Variants in SMPD3 observed in about 807,000 individuals in gnomAD.
SMPD3 encodes sphingomyelin phosphodiesterase 3.
Under a neutral mutation model 55.7 loss-of-function variants are expected in SMPD3, and 21 were observed. The observed-to-expected ratio is 0.38, with a 90% CI of 0.27 to 0.54. The LOEUF (loss-of-function observed/expected upper bound fraction) is 0.54, where lower values mean the gene tolerates loss of function less well. Ranked by LOEUF, SMPD3 falls within the 20% of genes least tolerant of loss-of-function variation. The pLI is 0.80. For synonymous variants in SMPD3, 457 were observed against 404.3 expected, an observed-to-expected ratio of 1.13 and a Z score of -1.56; for missense variants, 842 against 899.6, an observed-to-expected ratio of 0.94 and a Z score of 0.82.
At chr16:68,362,221 G>C (rs1428765535) in intron 7 of SMPD3, among the ~76,000 whole-genome samples, 1 of 152,174 alleles carries the variant, frequency 6.6e-6, no homozygotes, top group East Asian at 1.9e-4. Flanking sequence ...TCCCTACGTG[G>C]CTGTGTGACT....
chr16:68,418,144 A>G (rs1445599904), intron 1 of SMPD3, among the ~76,000 whole-genome samples: 1 of 152,140 alleles, frequency 6.6e-6, no homozygotes, highest in East Asian at 1.9e-4. Flanking sequence ...GCCAAGGTGC[A>G]TTTCTGGCTT....
intron 1 of SMPD3, among the ~76,000 whole-genome samples, chr16:68,393,221 A>G (rs1046234035): frequency 6.6e-6 from 1 of 152,174 alleles, no homozygotes; most frequent in Non-Finnish European, 1.5e-5. Context: ...CATGGCCAAC[A>G]TGGTAAAACC....
Position 68,361,254 on chromosome 16 carries a change from C to T in SMPD3, c.1920G>A (p.Leu640=), listed in dbSNP as rs2151968350. The change falls in exon 9 of 9, where the codon CTG becomes CTA. Residue 640 remains leucine, a synonymous_variant. Coordinates refer to ENST00000219334, the MANE Select transcript of SMPD3 (RefSeq NM_018667.4). ...ITQLSGLTDH[L]PVAMRLMVSS... ...ACACCATCAGTCGCATGGCTACTGG[C>T]AGGTGGTCCGTCAGGCCGGACAGCT... 4 of 1,613,344 alleles carry T rather than the reference C, an allele frequency of 2.5e-6. No homozygotes were observed. The East Asian group carries it at 8.9e-5, about 36-fold the overall frequency.
chr16:68,372,057 G>T lies in SMPD3; in HGVS notation c.125C>A (p.Thr42Asn), dbSNP rs1567786130. The change falls in exon 3 of 9, where the codon ACC becomes AAC. Residue 42 changes from threonine (T) to asparagine (N), a missense_variant. Thr to Asn is a moderately conservative substitution (Grantham distance 65). This residue lies in a region of SMPD3 where 193 missense variants were observed against 256.0 expected (regional missense o/e 0.75). Transcript: ENST00000219334. Reference sequence around the variant, plus strand: ...GTCTGCCCGCTGGCGCTTCTCGTAGGTGGTGGGTATGAAGGAGGCAGCGAG... The same window carrying T: ...GTCTGCCCGCTGGCGCTTCTCGTAGTTGGTGGGTATGAAGGAGGCAGCGAG... ...DRLAASFIPT[T>N]YEKRQRADDP... 3.1e-6 allele frequency: 5 copies of T among 1,608,804 alleles called. No homozygotes were observed. Among genetic ancestry groups the T allele is most frequent in the African/African-American group, 1.3e-5 (1 of 74,922 alleles).
At chr16:68,386,956 G>C (rs559584404) in intron 1 of SMPD3, among the ~76,000 whole-genome samples, 1 of 152,184 alleles carries the variant, frequency 6.6e-6, no homozygotes, top group Non-Finnish European at 1.5e-5. Context: ...CCTCCACGTC[G>C]ACACTGGGAC....
intron 1 of SMPD3, among the ~76,000 whole-genome samples, chr16:68,398,663 G>T (rs1476553940): frequency 6.6e-6 from 1 of 152,210 alleles, no homozygotes; most frequent in African/African-American, 2.4e-5. Flanking sequence ...CCTTTCCTCA[G>T]TTCAAAGTTG....
In SMPD3 at chr16:68,359,586, G is replaced by A. The variant is rs1338882361; in HGVS notation, c.*1620C>T. On this transcript the variant is annotated 3_prime_UTR_variant, in exon 9 of 9. Coordinates refer to ENST00000219334, the MANE Select transcript of SMPD3 (RefSeq NM_018667.4). ...CCTCTTGCAGCTCAATGGGTGACAA[G>A]GCACAGCATCAGGGCACCAGCACCA... 6.5e-6 allele frequency: 1 copy of A among 152,796 alleles called. No homozygotes were observed. The highest frequency in any genetic ancestry group is 1.5e-5 in the Non-Finnish European group (1 of 68,104). 9.5% of individuals were successfully genotyped at this position (152,796 alleles called of 1,614,324 possible).
rs907687973 is a variant in SMPD3 at position 68,364,875 on chromosome 16, G to C, written c.1431C>G (p.Asp477Glu). 1.2e-6 allele frequency: 2 copies of C among 1,613,980 alleles called. No homozygotes were observed. The highest frequency in any genetic ancestry group is 1.7e-6 in the Non-Finnish European group (2 of 1,179,998). ...EDSAIRCGQL[D>E]LLQDWLADFR... Reference sequence around the variant, plus strand: ...AATCAGCCAGCCAGTCCTGAAGCAGGTCCAGCTGCCCACACCGGATGGCGC... The same window carrying C: ...AATCAGCCAGCCAGTCCTGAAGCAGCTCCAGCTGCCCACACCGGATGGCGC... Residue 477 changes from aspartate (D) to glutamate (E), a missense_variant, in exon 5 of 9, where the codon GAC becomes GAG. Asp to Glu is a conservative substitution (Grantham distance 45). This residue lies in a region of SMPD3 where 649 missense variants were observed against 643.6 expected (regional missense o/e 1.01). Coordinates refer to ENST00000219334, the MANE Select transcript of SMPD3 (RefSeq NM_018667.4).
chr16:68,431,716 G>A (rs2090481036), intron 1 of SMPD3, among the ~76,000 whole-genome samples: 1 of 152,226 alleles, frequency 6.6e-6, no homozygotes, highest in Admixed American at 6.5e-5. Flanking sequence ...GAGGTCAGGA[G>A]TTCAAGACCA....
chr16:68,365,145 A>C (rs1281689171), intron 3 of SMPD3, 53 bp from the exon 4 acceptor site: 8 of 1,586,944 alleles, frequency 5.0e-6, no homozygotes, highest in Non-Finnish European at 6.9e-6. Context: ...TGGCCCTGAG[A>C]GCACAGGACA....
chr16:68,422,078 G>A (rs1363256161), intron 1 of SMPD3, among the ~76,000 whole-genome samples: 4 of 152,188 alleles, frequency 2.6e-5, no homozygotes, highest in African/African-American at 4.8e-5. Flanking sequence ...AAGGAGCAAG[G>A]AGCCAAGGAA....
At chr16:68,415,857 T>G (rs2152021160) in intron 1 of SMPD3, among the ~76,000 whole-genome samples, 1 of 152,106 alleles carries the variant, frequency 6.6e-6, no homozygotes, top group Admixed American at 6.5e-5. Context: ...CCTTAGGTAT[T>G]TAATGTGACA....
chr16:68,426,953 C>G (rs1336392219), intron 1 of SMPD3, among the ~76,000 whole-genome samples: 1 of 151,042 alleles, frequency 6.6e-6, no homozygotes, highest in East Asian at 1.9e-4. Context: ...GTCCACTCAG[C>G]AGCCTATTTT....
At chr16:68,425,972 T>C (rs963255012) in intron 1 of SMPD3, among the ~76,000 whole-genome samples, 3 of 152,174 alleles carry the variant, frequency 2.0e-5, no homozygotes, top group Admixed American at 6.5e-5. Context: ...AAGGGAGCAC[T>C]GAGAGTGGAT....
intron 5 of SMPD3, chr16:68,364,451 G>A (rs938039147): frequency 2.9e-6 from 1 of 346,946 alleles, no homozygotes; most frequent in Non-Finnish European, 5.2e-6. Flanking sequence ...CAAGAGCGCG[G>A]CGCCCCGTTG....
chr16:68,376,691 C>T (rs2089824049), intron 2 of SMPD3, among the ~76,000 whole-genome samples: 1 of 152,238 alleles, frequency 6.6e-6, no homozygotes, highest in South Asian at 2.1e-4. Flanking sequence ...GTCATAGGTC[C>T]TGGCAGGCCC....
intron 1 of SMPD3, among the ~76,000 whole-genome samples, chr16:68,423,252 G>A (rs907923965): frequency 1.3e-5 from 2 of 152,198 alleles, no homozygotes; most frequent in African/African-American, 2.4e-5. Flanking sequence ...AGCTGAAGAT[G>A]CTTCCTGGGA....
rs1330250880 is a variant in SMPD3, at chr16:68,363,878, G to C, written c.1556-12C>G. 6.4e-7 allele frequency: 1 copy of C among 1,553,178 alleles called. No homozygotes were observed. The highest frequency in any genetic ancestry group is 8.7e-7 in the Non-Finnish European group (1 of 1,148,532). ...CTCCAGCTTGTCGTCTGTGCGGGGAGGGAGGAAACGCTGAGGCACCAGGGG... is the reference window on the plus strand; with the variant it reads ...CTCCAGCTTGTCGTCTGTGCGGGGACGGAGGAAACGCTGAGGCACCAGGGG... On this transcript the variant is annotated splice_polypyrimidine_tract_variant and intron_variant, in intron 5 of 8. Coordinates refer to ENST00000219334, the MANE Select transcript of SMPD3 (RefSeq NM_018667.4).
chr16:68,375,623 G>C (rs544968180), intron 2 of SMPD3, among the ~76,000 whole-genome samples: 131 of 149,686 alleles, frequency 8.8e-4, no homozygotes, highest in Non-Finnish European at 1.7e-3. Flanking sequence ...GTGTAGAGGA[G>C]AGAGACTCTC....
Sources: gnomAD v4.1 joint callset for allele counts (sites outside exome capture counted in the v4.1 genomes callset) on GRCh38, gnomAD v4.1.1 for gene constraint, gnomAD v4.1.1 regional missense constraint, MANE v1.5 for transcripts, NCBI Gene and HGNC (gene_info 2026-07-23, HGNC 2026-07-21) for gene names.